The following USP13 variants were observed in gnomAD, a reference collection of about 807,000 sequenced individuals.
USP13 encodes the protein ubiquitin specific peptidase 13.
USP13 carries 68 observed loss-of-function variants against 107.8 expected under a neutral mutation model. The observed-to-expected ratio is 0.63, with a 90% CI of 0.52 to 0.77. The LOEUF (loss-of-function observed/expected upper bound fraction) is 0.77, where lower values mean the gene tolerates loss of function less well. Among genes scored for constraint, USP13 ranks in the 30% least tolerant of loss-of-function variants. The pLI, the probability that USP13 is intolerant of heterozygous loss-of-function variation, is 0.00. For missense variants in USP13, 945 were observed against 1,093.3 expected (o/e 0.86, Z 1.91); for synonymous variants, 377 against 389.5 (o/e 0.97, Z 0.38).
chr3:179,754,794 C>T lies in USP13; in HGVS notation c.1861C>T (p.Pro621Ser). The T allele has an allele frequency of 1.9e-6, 3 of 1,613,174 alleles. No individual in the cohort carries two copies. Among genetic ancestry groups the T allele is most frequent in the Non-Finnish European group, 2.5e-6 (3 of 1,179,660 alleles). Residue 621 changes from proline to serine, a missense_variant, in exon 15 of 21, where the codon CCA becomes TCA. Physicochemically the swap from Pro to Ser is moderately conservative, Grantham distance 74. Coordinates refer to ENST00000263966, the MANE Select transcript of USP13 (RefSeq NM_003940.3). ...INHLRARGLQ[P>S]GEEELPDISP... ...CCATCTCCGAGCCAGGGGGTTACAG[C>T]CAGGAGAGGAAGAACTTCCAGACAT...
chr3:179,730,849 C>T lies in USP13; in HGVS notation c.1254+140C>T, dbSNP rs1713779000. On this transcript the variant is annotated intron_variant, in intron 10 of 20. Coordinates refer to ENST00000263966, the MANE Select transcript of USP13 (RefSeq NM_003940.3). ...AATGTCATTTCAGTGTCTAGGGTGC[C>T]TGTCTGTATGCTCTTAAAAATTGTG... 8 of 691,860 alleles carry T rather than the reference C, an allele frequency of 1.2e-5. No individual in the cohort carries two copies. In the South Asian group the frequency reaches 1.7e-4, roughly 15 times the overall value. 42.9% of individuals were successfully genotyped at this position (691,860 alleles called of 1,614,324 possible).
intron 19 of USP13, among the ~76,000 whole-genome samples, chr3:179,779,790 G>A (rs1715682647): frequency 1.3e-5 from 2 of 151,810 alleles, no homozygotes; most frequent in South Asian, 2.1e-4. Flanking sequence ...GGTGAGAATA[G>A]TTGGTGGGGG....
chr3:179,687,026 C>T (rs780914392), intron 2 of USP13, among the ~76,000 whole-genome samples: 17 of 152,212 alleles, frequency 1.1e-4, no homozygotes, highest in Non-Finnish European at 2.2e-4. Flanking sequence ...TTTTCTTCAT[C>T]AGGGTTATCC....
intron 15 of USP13, 97 bp downstream of exon 15, chr3:179,754,951 A>G: frequency 6.9e-7 from 1 of 1,440,622 alleles, no homozygotes; most frequent in South Asian, 1.5e-5. Context: ...TACCACCACC[A>G]CCCATTGGTG....
At chr3:179,690,666 G>A (rs940216823) in intron 3 of USP13, among the ~76,000 whole-genome samples, 16 of 152,118 alleles carry the variant, frequency 1.1e-4, no homozygotes, top group Admixed American at 3.9e-4. Flanking sequence ...TGCGCCTCCC[G>A]GGCTCAAGCC....
intron 1 of USP13, among the ~76,000 whole-genome samples, chr3:179,656,584 T>G (rs1720267538): frequency 6.6e-6 from 1 of 152,226 alleles, no homozygotes; most frequent in Admixed American, 6.5e-5. Context: ...GATTTCATCC[T>G]GGACCCACCC....
chr3:179,665,959 A>G (rs1055244688), intron 1 of USP13, among the ~76,000 whole-genome samples: 2 of 152,246 alleles, frequency 1.3e-5, no homozygotes, highest in African/African-American at 4.8e-5. Context: ...ATAATCAACA[A>G]AATCTAGTAG....
intron 6 of USP13, among the ~76,000 whole-genome samples, chr3:179,716,001 A>G (rs1424515173): frequency 1.3e-5 from 2 of 151,652 alleles, no homozygotes; most frequent in Admixed American, 6.6e-5. Flanking sequence ...CTTGGCTCAC[A>G]GCAACCTCCG....
intron 1 of USP13, among the ~76,000 whole-genome samples, chr3:179,663,262 T>A (rs1449272161): frequency 1.3e-5 from 2 of 152,238 alleles, no homozygotes; most frequent in Non-Finnish European, 2.9e-5. Flanking sequence ...TTTGACTGAT[T>A]CATTTCACTT....
intron 19 of USP13, 135 bp downstream of exon 19, chr3:179,765,983 T>C (rs1238095219): frequency 9.5e-7 from 1 of 1,057,542 alleles, no homozygotes; most frequent in Non-Finnish European, 1.3e-6. Flanking sequence ...CTTCGTTTTT[T>C]TTTTTTTTCT....
chr3:179,699,726 A>C (rs1712445537), intron 3 of USP13, among the ~76,000 whole-genome samples: 3 of 145,856 alleles, frequency 2.1e-5, no homozygotes, highest in African/African-American at 5.0e-5. Context: ...CTTAGATTGC[A>C]TTTTAGCTGT....
intron 1 of USP13, among the ~76,000 whole-genome samples, chr3:179,657,594 C>G (rs1014057050): frequency 6.6e-6 from 1 of 151,052 alleles, no homozygotes; most frequent in Non-Finnish European, 1.5e-5. Context: ...AACCCTGTCT[C>G]TACTAAAAAA....
intron 19 of USP13, among the ~76,000 whole-genome samples, chr3:179,769,334 G>T (rs1184287429): frequency 5.9e-5 from 9 of 152,098 alleles, no homozygotes; most frequent in Admixed American, 5.9e-4. Context: ...TTAAATAAAA[G>T]ACCACATTAT....
intron 10 of USP13, among the ~76,000 whole-genome samples, chr3:179,731,423 A>G (rs1424137406): frequency 6.6e-6 from 1 of 152,100 alleles, no homozygotes; most frequent in Non-Finnish European, 1.5e-5. Flanking sequence ...AACAAACAAA[A>G]AACAACACAT....
At chr3:179,668,084 A>C (rs1031215103) in intron 1 of USP13, among the ~76,000 whole-genome samples, 10 of 152,232 alleles carry the variant, frequency 6.6e-5, no homozygotes. Context: ...TCTAATGCGT[A>C]GGAGTCCTCT....
intron 4 of USP13, among the ~76,000 whole-genome samples, chr3:179,701,754 T>A (rs1311735490): frequency 6.6e-6 from 1 of 152,194 alleles, no homozygotes; most frequent in Non-Finnish European, 1.5e-5. Flanking sequence ...TCCCCCTTCC[T>A]CTTCCCTTCT....
intron 19 of USP13, among the ~76,000 whole-genome samples, chr3:179,769,217 A>C (rs1402611961): frequency 6.6e-6 from 1 of 152,208 alleles, no homozygotes; most frequent in Admixed American, 6.5e-5. Flanking sequence ...TGAGTTATGT[A>C]GGTGTACATG....
At chr3:179,765,157 A>G (rs1715133032) in intron 18 of USP13, among the ~76,000 whole-genome samples, 1 of 152,234 alleles carries the variant, frequency 6.6e-6, no homozygotes, top group Admixed American at 6.5e-5. Flanking sequence ...TACTTAACTA[A>G]TCAGTGTTGT....
chr3:179,759,413 A>G (rs1276911603), intron 16 of USP13, among the ~76,000 whole-genome samples: 3 of 152,238 alleles, frequency 2.0e-5, no homozygotes, highest in African/African-American at 4.8e-5. Context: ...TTTCTTTACT[A>G]TAGGATTCTT....
Sources: gnomAD v4.1 joint callset for allele counts (sites outside exome capture counted in the v4.1 genomes callset) on GRCh38, gnomAD v4.1.1 for gene constraint, MANE v1.5 for transcripts, NCBI Gene and HGNC (gene_info 2026-07-23, HGNC 2026-07-21) for gene names.